PANK4: variants seen among roughly 807,000 people sequenced by gnomAD.
PANK4 encodes pantothenate kinase 4 (inactive), also known as 4'-phosphopantetheine phosphatase.
A neutral mutation model predicts 87.9 loss-of-function variants in PANK4; 40 were observed. The observed-to-expected ratio is 0.46, with a 90% CI of 0.35 to 0.59. PANK4 has a LOEUF of 0.59. Among genes scored for constraint, PANK4 ranks in the 20% least tolerant of loss-of-function variants. The probability of loss-of-function intolerance (pLI) is 0.00; values close to 1 mark genes in which losing one functional copy is unlikely to be tolerated. For missense variants in PANK4, 926 were observed against 1,072.3 expected (o/e 0.86, Z 1.90); for synonymous variants, 524 against 467.4 (o/e 1.12, Z -1.56).
At chr1:2,512,783 G>A (rs1643685082) in intron 13 of PANK4, 105 bp downstream of exon 13, 20 of 1,152,548 alleles carry the variant, frequency 1.7e-5, no homozygotes, top group Non-Finnish European at 2.3e-5. Flanking sequence ...GCCACCAAGC[G>A]CCACGTGACC....
intron 12 of PANK4, 82 bp from the exon 13 acceptor site, chr1:2,513,121 C>T: frequency 7.0e-7 from 1 of 1,429,098 alleles, no homozygotes; most frequent in Non-Finnish European, 9.5e-7. Flanking sequence ...CAGCCTGTTC[C>T]ATACCACGCC....
Position 2,510,896 on chromosome 1 carries a change from G to T in PANK4, c.1834-114C>A. 1.5e-6 allele frequency: 1 copy of T among 683,958 alleles called. No homozygotes were observed. The highest frequency in any genetic ancestry group is 2.6e-6 in the Non-Finnish European group (1 of 383,174). The allele number at this position is 683,958 out of a possible 1,614,324, so 42.4% of individuals were successfully genotyped here. ...AGGGGCCGAGACTGGGGGCTTCAGG[G>T]CCCCAGAGATGCCAGGGATGGGCTG... On this transcript the variant is annotated intron_variant, in intron 15 of 18. Transcript: ENST00000378466. The surrounding 1 kb of genome is among the most constrained non-coding windows in gnomAD (Gnocchi z 4.9).
At chr1:2,517,926 C>T (rs556450263) in intron 9 of PANK4, among the ~76,000 whole-genome samples, 16 of 152,326 alleles carry the variant, frequency 1.1e-4, no homozygotes, top group Non-Finnish European at 1.5e-4. Context: ...ACACAGACTC[C>T]GTAATTCCTG....
intron 1 of PANK4, 182 bp from the exon 2 acceptor site, chr1:2,521,982 A>G (rs756453475): frequency 5.0e-6 from 3 of 599,380 alleles, no homozygotes; most frequent in South Asian, 2.0e-5. Context: ...GAACAATCAA[A>G]TCTACACTTT....
Position 2,512,906 on chromosome 1 carries a change from C to G in PANK4, c.1709G>C (p.Gly570Ala). 1 of 1,612,844 alleles carries G rather than the reference C, an allele frequency of 6.2e-7. No homozygotes were observed. Among genetic ancestry groups the G allele is most frequent in the East Asian group, 2.2e-5 (1 of 44,880 alleles). ...CACCTACGCAGACACGGCTTTGGCC[C>G]CCCAGTCGAAGACATTCCCCGCCAG... ...GLLAGNVFDW[G>A]AKAVSAVLES... Residue 570 changes from glycine to alanine, a missense_variant, in exon 13 of 19, where the codon GGG becomes GCG. Transcript: ENST00000378466.
Position 2,519,008 on chromosome 1 carries a change from G to A in PANK4, c.1035+135C>T. 5.1e-6 allele frequency: 4 copies of A among 791,476 alleles called. No individual in the cohort carries two copies. The highest frequency in any genetic ancestry group is 8.2e-6 in the Non-Finnish European group (4 of 487,988). The allele number at this position is 791,476 out of a possible 1,614,324, so 49.0% of individuals were successfully genotyped here. A position where few individuals can be genotyped will look rare whatever the true frequency, so the allele number is the denominator to read the frequency against. On this transcript the variant is annotated intron_variant, in intron 7 of 18. Coordinates refer to ENST00000378466, the MANE Select transcript of PANK4 (RefSeq NM_018216.4). The surrounding 1 kb of genome is among the most constrained non-coding windows in gnomAD (Gnocchi z 8.3). The stretch of plus-strand genomic sequence containing the variant: ...GTAGGCTGCCCAGAATCAGTCAGAA[G>A]GGAGGGGTGCTGGGCTTCTTGGCCC...
In PANK4 at chr1:2,512,901, TG is replaced by T; in HGVS notation, c.1713del (p.Ala573ProfsTer38). ...GCAGACACCTACGCAGACACGGCTT[TG>T]GCCCCCCAGTCGAAGACATTCCCCG... ...LLAGNVFDWG[A>X]KAVSAVLESD... On this transcript the variant is annotated frameshift_variant, in exon 13 of 19. Coordinates refer to ENST00000378466, the MANE Select transcript of PANK4 (RefSeq NM_018216.4). LOFTEE classifies it high-confidence loss of function. 1 of 1,612,804 alleles carries T rather than the reference TG, an allele frequency of 6.2e-7. No individual in the cohort carries two copies.
At position 2,520,205 on chromosome 1, in the gene PANK4, C is replaced by G; in HGVS notation, c.699+117G>C. 1.0e-6 allele frequency: 1 copy of G among 963,970 alleles called. No homozygotes were observed. Among genetic ancestry groups the G allele is most frequent in the Non-Finnish European group, 1.6e-6 (1 of 615,622 alleles). The allele number at this position is 963,970 out of a possible 1,614,324, so 59.7% of individuals were successfully genotyped here. On this transcript the variant is annotated intron_variant, in intron 5 of 18. Coordinates refer to ENST00000378466, the MANE Select transcript of PANK4 (RefSeq NM_018216.4). This position sits in a 1 kb window ranked among gnomAD's most constrained non-coding sequence, Gnocchi z 6.2. ...GCCGCAGAGGCCAGAGACCCACTGA[C>G]GCGAGTCAGGAGGGAGGCCCGGAAG...
Position 2,520,600 on chromosome 1 carries a change from C to T in PANK4, c.606+123G>A, listed in dbSNP as rs1049461116. 8.1e-6 allele frequency: 9 copies of T among 1,113,236 alleles called. No homozygotes were observed. The highest frequency in any genetic ancestry group is 1.4e-5 in the South Asian group (1 of 70,120). 69.0% of individuals were successfully genotyped at this position (1,113,236 alleles called of 1,614,324 possible). On this transcript the variant is annotated intron_variant, in intron 4 of 18. Transcript: ENST00000378466. This position sits in a 1 kb window ranked among gnomAD's most constrained non-coding sequence, Gnocchi z 6.2. ...CACAGAGGCTCTGAGCTCACAGCCT[C>T]GCCACCCCCCTCCCGCCCACTGGGC... is the stretch of plus-strand genomic sequence containing the variant.
chr1:2,522,624 T>C (rs1047468353), intron 1 of PANK4, among the ~76,000 whole-genome samples: 2 of 150,906 alleles, frequency 1.3e-5, no homozygotes, highest in Admixed American at 6.6e-5. Flanking sequence ...GTTGTATTCA[T>C]AGATTTGAAA....
chr1:2,511,648 T>G lies in PANK4; in HGVS notation c.1763A>C (p.Glu588Ala). 1 of 1,610,626 alleles carries G rather than the reference T, an allele frequency of 6.2e-7. No homozygotes were observed. The highest frequency in any genetic ancestry group is 1.3e-5 in the African/African-American group (1 of 74,978). Residue 588 changes from glutamate to alanine, a missense_variant, in exon 14 of 19, where the codon GAA becomes GCA. Coordinates refer to ENST00000378466, the MANE Select transcript of PANK4 (RefSeq NM_018216.4). ...LESDPYFGFE[E>A]AKRKLQERPW... ...CGTACCTTGTAACTTCCTCTTTGCTTCTTCAAACCCAAAGTAGGGGTCGGA... is the reference window on the plus strand; with the variant it reads ...CGTACCTTGTAACTTCCTCTTTGCTGCTTCAAACCCAAAGTAGGGGTCGGA...
intron 1 of PANK4, among the ~76,000 whole-genome samples, chr1:2,524,576 C>T (rs1413912652): frequency 1.3e-5 from 2 of 152,168 alleles, no homozygotes; most frequent in Non-Finnish European, 2.9e-5. Context: ...CCCCTGGGCT[C>T]AGCCTGGAGA....
intron 8 of PANK4, 27 bp from the exon 9 acceptor site, chr1:2,518,291 G>C (rs759887216): frequency 1.7e-5 from 25 of 1,500,946 alleles, no homozygotes; most frequent in Non-Finnish European, 2.2e-5. Flanking sequence ...CAGGTCACTT[G>C]TGTTAACCTT....
chr1:2,510,201 C>A lies in PANK4; in HGVS notation c.1939-44G>T. ...GGCTCTTTAGGAACCTGTGCTGGCC[C>A]AGCATGGAGCCTGCGTGCACCCCGG... is the stretch of plus-strand genomic sequence containing the variant. On this transcript the variant is annotated intron_variant, in intron 16 of 18. Transcript: ENST00000378466. This position sits in a 1 kb window ranked among gnomAD's most constrained non-coding sequence, Gnocchi z 4.9. 7.9e-7 allele frequency: 1 copy of A among 1,266,308 alleles called. No homozygotes were observed. Among genetic ancestry groups the A allele is most frequent in the South Asian group, 1.3e-5 (1 of 79,056 alleles). The allele number at this position is 1,266,308 out of a possible 1,614,324, so 78.4% of individuals were successfully genotyped here.
Position 2,518,148 on chromosome 1 carries a change from A to G in PANK4, c.1218+16T>C. ...TGCTCCCCTGGGGCCCGGGGCGGCCAGAGCCCACTACTCACAGTGCCACTC... is the reference window on the plus strand; with the variant it reads ...TGCTCCCCTGGGGCCCGGGGCGGCCGGAGCCCACTACTCACAGTGCCACTC... On this transcript the variant is annotated intron_variant, in intron 9 of 18. Coordinates refer to ENST00000378466, the MANE Select transcript of PANK4 (RefSeq NM_018216.4). 6.4e-7 allele frequency: 1 copy of G among 1,553,670 alleles called. No homozygotes were observed. The highest frequency in any genetic ancestry group is 8.8e-7 in the Non-Finnish European group (1 of 1,140,318).
rs534226897 is a variant in PANK4, at chr1:2,526,410, G to A, written c.124+54C>T. 483 of 403,008 alleles carry A rather than the reference G, an allele frequency of 1.2e-3. 13 individuals carry two copies. In the South Asian group the frequency reaches 0.041, roughly 34 times the overall value. 25.0% of individuals were successfully genotyped at this position (403,008 alleles called of 1,614,324 possible). A position where few individuals can be genotyped will look rare whatever the true frequency, so the allele number is the denominator to read the frequency against. On this transcript the variant is annotated intron_variant, in intron 1 of 18. Coordinates refer to ENST00000378466, the MANE Select transcript of PANK4 (RefSeq NM_018216.4). ...CGCCGCCCCCGCTCGCCGGCCCACC[G>A]CCGGCGCCCCGCCCGCCCCCGCAGC... is the stretch of plus-strand genomic sequence containing the variant.
In PANK4 at chr1:2,510,759, T is replaced by C. The variant is rs1039690329; in HGVS notation, c.1857A>G (p.Leu619=). The change falls in exon 16 of 19, where the codon TTA becomes TTG. Residue 619 remains leucine (L), a synonymous_variant. Transcript: ENST00000378466. The surrounding 1 kb of genome is among the most constrained non-coding windows in gnomAD (Gnocchi z 4.9). ...RLKGPPHKCA[L]IFADNSGIDI... is the part of the protein sequence containing the mutation. Reference sequence around the variant, plus strand: ...CTATTCCACTGTTATCTGCGAAAATTAAGGCACATTTATGAGGGGGCCCCT... The same window carrying C: ...CTATTCCACTGTTATCTGCGAAAATCAAGGCACATTTATGAGGGGGCCCCT... The C allele has an allele frequency of 9.3e-6, 15 of 1,612,018 alleles. No homozygotes were observed. The highest frequency in any genetic ancestry group is 1.1e-5 in the Non-Finnish European group (13 of 1,178,808).
Position 2,520,943 on chromosome 1 carries a change from C to T in PANK4, c.423-37G>A. ...GCGCCAACCCCTTAAAGAGTCTGGGCCACAGACAGGTGCAACCATGCAAGC... is the reference window on the plus strand; with the variant it reads ...GCGCCAACCCCTTAAAGAGTCTGGGTCACAGACAGGTGCAACCATGCAAGC... On this transcript the variant is annotated intron_variant, in intron 3 of 18. Transcript: ENST00000378466. This position sits in a 1 kb window ranked among gnomAD's most constrained non-coding sequence, Gnocchi z 6.2. 6.5e-7 allele frequency: 1 copy of T among 1,536,936 alleles called. No homozygotes were observed. The highest frequency in any genetic ancestry group is 1.3e-5 in the South Asian group (1 of 78,470).
chr1:2,510,535 G>A lies in PANK4; in HGVS notation c.1938+143C>T. On this transcript the variant is annotated intron_variant, in intron 16 of 18. Coordinates refer to ENST00000378466, the MANE Select transcript of PANK4 (RefSeq NM_018216.4). This position sits in a 1 kb window ranked among gnomAD's most constrained non-coding sequence, Gnocchi z 4.9. Reference sequence around the variant, plus strand: ...CCACCCCAGCAGATGACGGCTCTGGGCCGCCTCCCCCGTGCTGCTGCCTGC... The same window carrying A: ...CCACCCCAGCAGATGACGGCTCTGGACCGCCTCCCCCGTGCTGCTGCCTGC... 3.0e-6 allele frequency: 2 copies of A among 659,030 alleles called. No homozygotes were observed. Among genetic ancestry groups the A allele is most frequent in the South Asian group, 1.8e-5 (1 of 56,576 alleles). 40.8% of individuals were successfully genotyped at this position (659,030 alleles called of 1,614,324 possible).
Sources: gnomAD v4.1 joint callset for allele counts (sites outside exome capture counted in the v4.1 genomes callset) on GRCh38, gnomAD v4.1.1 for gene constraint, Gnocchi (gnomAD v3.1) non-coding constraint, MANE v1.5 for transcripts, NCBI Gene and HGNC (gene_info 2026-07-23, HGNC 2026-07-21) for gene names.